The following ODF2L variants were observed in gnomAD, a reference collection of about 807,000 sequenced individuals.
ODF2L encodes the protein outer dense fiber of sperm tails 2 like.
In ODF2L, 76 loss-of-function variants were observed where a neutral mutation model predicts 86.3. That is an observed-to-expected ratio of 0.88 (90% CI 0.73 to 1.07). The LOEUF is 1.07. Ranked by LOEUF, ODF2L falls within the 50% of genes least tolerant of loss-of-function variation. ODF2L has a pLI of 0.00. For missense variants in ODF2L, 748 were observed against 717.4 expected, an observed-to-expected ratio of 1.04 and a Z score of -0.49; for synonymous variants, 241 against 231.3, an observed-to-expected ratio of 1.04 and a Z score of -0.38.
chr1:86,371,925 C>T (rs191629036), intron 9 of ODF2L, among the ~76,000 whole-genome samples: 1 of 152,226 alleles, frequency 6.6e-6, no homozygotes, highest in Middle Eastern at 3.4e-3. Context: ...TGGTGGCTCA[C>T]GCCTGTAATC....
Position 86,387,002 on chromosome 1 carries a change from C to G in ODF2L, c.26G>C (p.Ser9Thr), listed in dbSNP as rs769179243. Residue 9 changes from serine (S) to threonine (T), a missense_variant, in exon 2 of 18, where the codon AGT (serine) becomes ACT (threonine). Transcript: ENST00000317336. The stretch of plus-strand genomic sequence containing the variant: ...ATGGCAAAAGAGTTCTTCTGAATGA[C>G]TTCCATCATTTACAGCCTTCTCCAT... 3.1e-5 allele frequency: 49 copies of G among 1,576,984 alleles called. No individual in the cohort carries two copies. The highest frequency in any genetic ancestry group is 4.1e-5 in the Non-Finnish European group (48 of 1,161,908).
At chr1:86,357,072 T>C (rs1416936932) in intron 13 of ODF2L, among the ~76,000 whole-genome samples, 1 of 152,212 alleles carries the variant, frequency 6.6e-6, no homozygotes, top group African/African-American at 2.4e-5. Context: ...GTTTACTGTA[T>C]ATTATTTAAA....
exon 14 of ODF2L, chr1:86,356,485 A>C (rs760794055): frequency 1.9e-6 from 3 of 1,613,880 alleles, no homozygotes; most frequent in Non-Finnish European, 1.7e-6. Flanking sequence ...TGGTCTGCAC[A>C]CTTCCCCTTG....
chr1:86,387,487 A>G (rs1661036310), intron 1 of ODF2L, among the ~76,000 whole-genome samples: 1 of 152,230 alleles, frequency 6.6e-6, no homozygotes, highest in South Asian at 2.1e-4. Flanking sequence ...CTAAATCTGT[A>G]GAAATTCAAC....
chr1:86,368,580 T>G, intron 11 of ODF2L: 1 of 1,265,418 alleles, frequency 7.9e-7, no homozygotes. Context: ...AAACACATTT[T>G]ATTTCCTGTG....
exon 13 of ODF2L, chr1:86,358,794 A>G (rs1161566900): frequency 2.3e-6 from 3 of 1,312,352 alleles, no homozygotes; most frequent in South Asian, 1.4e-5. Flanking sequence ...TACCTTCTCT[A>G]CATTTTTATT....
chr1:86,374,925 T>G (rs1173148961), intron 8 of ODF2L: 3 of 152,160 alleles, frequency 2.0e-5, no homozygotes, highest in Admixed American at 2.0e-4. Flanking sequence ...ACCCTTACCT[T>G]AGGTGAATAG....
Position 86,354,529 on chromosome 1 carries a change from C to G in ODF2L, c.1767+1G>C. The G allele has an allele frequency of 6.3e-7, 1 of 1,581,170 alleles. No individual in the cohort carries two copies. Among genetic ancestry groups the G allele is most frequent in the Admixed American group, 1.8e-5 (1 of 55,714 alleles). On this transcript the variant is annotated splice_donor_variant, in intron 16 of 17. Transcript: ENST00000317336. LOFTEE classifies it high-confidence loss of function. Reference sequence around the variant, plus strand: ...AGTTTCTAAATAAAGGCCATGCATACCTTTTGTCTTCCTTCTTCTAAAGCA... The same window carrying G: ...AGTTTCTAAATAAAGGCCATGCATAGCTTTTGTCTTCCTTCTTCTAAAGCA...
chr1:86,348,987 A>AT (rs1657948840), downstream of ODF2L: 2 of 1,177,850 alleles, frequency 1.7e-6, no homozygotes, highest in Non-Finnish European at 1.1e-6. Context: ...ATTCTTTTTG[A>AT]TTTTTTAAAA....
chr1:86,352,698 T>C (rs1658225729), intron 17 of ODF2L, among the ~76,000 whole-genome samples, 161 bp downstream of exon 16: 1 of 152,192 alleles, frequency 6.6e-6, no homozygotes, highest in Admixed American at 6.5e-5. Context: ...AATAAATTAT[T>C]TGGCATATCA....
chr1:86,352,723 G>T, intron 17 of ODF2L, 136 bp downstream of exon 16: 1 of 524,604 alleles, frequency 1.9e-6, no homozygotes, highest in Non-Finnish European at 3.3e-6. Flanking sequence ...ATTTTTATTT[G>T]TTATGTCTTA....
At chr1:86,393,541 G>T (rs6658025) in intron 1 of ODF2L, among the ~76,000 whole-genome samples, 48,067 of 151,960 alleles carry the variant, frequency 0.32, 7,696 homozygotes, top group East Asian at 0.41. Context: ...AAAAAAGAAG[G>T]ATGTATATTT....
chr1:86,359,309 G>A (rs1474875338), intron 12 of ODF2L, among the ~76,000 whole-genome samples: 1 of 151,402 alleles, frequency 6.6e-6, no homozygotes, highest in Admixed American at 6.6e-5. Context: ...TATTCCTGCT[G>A]AGGGATTAAA....
chr1:86,350,585 A>G (rs1430319914), exon 18 of ODF2L: 2 of 152,232 alleles, frequency 1.3e-5, no homozygotes, highest in East Asian at 1.9e-4. Flanking sequence ...TCTCTATAGC[A>G]GCATGATTTA....
At chr1:86,356,711 G>A (rs1658592293) in intron 13 of ODF2L, 109 bp from the exon 13 acceptor site, 2 of 834,850 alleles carry the variant, frequency 2.4e-6, no homozygotes, top group Non-Finnish European at 1.7e-6. Flanking sequence ...TAGGTATAAT[G>A]GCTTTAAATA....
intron 13 of ODF2L, chr1:86,358,114 G>C (rs1224151778): frequency 1.1e-5 from 11 of 984,654 alleles, no homozygotes; most frequent in African/African-American, 5.2e-5. Context: ...TCCTAAGATA[G>C]GGAGCAACCC....
intron 4 of ODF2L, 147 bp downstream of exon 4, chr1:86,384,529 A>AC (rs1660800049): frequency 2.5e-6 from 1 of 401,966 alleles, no homozygotes; most frequent in Non-Finnish European, 4.2e-6. Context: ...TACTTATGAA[A>AC]CACTAAAGGT....
chr1:86,383,211 T>A lies in ODF2L; in HGVS notation c.373-15A>T. 6.8e-7 allele frequency: 1 copy of A among 1,461,168 alleles called. No homozygotes were observed. Among genetic ancestry groups the A allele is most frequent in the Non-Finnish European group, 9.4e-7 (1 of 1,066,168 alleles). The allele number at this position is 1,461,168 out of a possible 1,614,324, so 90.5% of individuals were successfully genotyped here. On this transcript the variant is annotated splice_polypyrimidine_tract_variant and intron_variant, in intron 4 of 17. Transcript: ENST00000317336. ...TTGTCTCCTGTCTGAGAAAAGAATG[T>A]TATAAATCAGTGATCGCAAATTATA... is the stretch of plus-strand genomic sequence containing the variant.
At chr1:86,355,004 T>TTA in intron 14 of ODF2L, 145 bp from the exon 14 acceptor site, 1 of 560,658 alleles carries the variant, frequency 1.8e-6, no homozygotes, top group South Asian at 2.7e-5. Flanking sequence ...CAAGAAAATG[T>TTA]TATATTGTTA....
Sources: allele counts gnomAD v4.1 joint callset (sites outside exome capture counted in the v4.1 genomes callset), GRCh38; gene constraint gnomAD v4.1.1; transcripts MANE v1.5; gene names NCBI Gene and HGNC (gene_info 2026-07-23, HGNC 2026-07-21).